CILK1: variants seen among roughly 807,000 people sequenced by gnomAD.
CILK1 encodes serine/threonine-protein kinase ICK.
Under a neutral mutation model 79.2 loss-of-function variants are expected in CILK1, and 47 were observed. The ratio of observed to expected loss-of-function variants is 0.59; its 90% CI spans 0.47 to 0.76. The LOEUF (loss-of-function observed/expected upper bound fraction) is 0.76, where lower values mean the gene tolerates loss of function less well. Ranked by LOEUF, CILK1 falls within the 30% of genes least tolerant of loss-of-function variation. The probability of loss-of-function intolerance (pLI) is 0.00; values close to 1 mark genes in which losing one functional copy is unlikely to be tolerated. For missense variants in CILK1, 660 were observed against 769.5 expected, an observed-to-expected ratio of 0.86 and a Z score of 1.68; for synonymous variants, 266 against 275.9, an observed-to-expected ratio of 0.96 and a Z score of 0.36.
chr6:53,051,510 G>A (rs749931692), intron 1 of CILK1, among the ~76,000 whole-genome samples: 5 of 152,096 alleles, frequency 3.3e-5, no homozygotes, highest in Non-Finnish European at 7.4e-5. Context: ...GCACTCCTTG[G>A]CTTGTGACCA....
chr6:53,031,031 G>T, intron 5 of CILK1, 34 bp downstream of exon 5: 1 of 1,380,832 alleles, frequency 7.2e-7, no homozygotes, highest in Non-Finnish European at 1.0e-6. Flanking sequence ...ACATTTCACT[G>T]CTCTTCAAAA....
chr6:53,060,683 T>A lies in CILK1; in HGVS notation c.-173+913A>T, dbSNP rs1347137224. Among the ~76,000 whole-genome samples the A allele has an allele frequency of 2.0e-5, 3 of 152,342 alleles. No individual in the cohort carries two copies. In the East Asian group the frequency reaches 5.8e-4, roughly 29 times the overall value. ...TGTGCATATTTATGCATATATTAAC[T>A]CCCAGCACAGTTCAGCAAATGATTG... On this transcript the variant is annotated intron_variant, in intron 1 of 13. Coordinates refer to ENST00000676107, the MANE Select transcript of CILK1 (RefSeq NM_014920.5).
At chr6:53,056,200 CTAT>C (rs1307556535) in intron 1 of CILK1, among the ~76,000 whole-genome samples, 1 of 152,170 alleles carries the variant, frequency 6.6e-6, no homozygotes, top group Non-Finnish European at 1.5e-5. Flanking sequence ...TATTTATATG[CTAT>C]TACAACACAT....
At chr6:53,039,799 G>GA (rs1487505343) in intron 2 of CILK1, among the ~76,000 whole-genome samples, 1 of 152,180 alleles carries the variant, frequency 6.6e-6, no homozygotes, top group Non-Finnish European at 1.5e-5. Flanking sequence ...TGAATAGGGG[G>GA]AAAAAAGCCA....
Position 53,037,380 on chromosome 6 carries a change from T to C in CILK1, c.156+559A>G, listed in dbSNP as rs1364533175. ...GATCGGTGCTCCACAATGCTTGACA[T>C]GGCACAAAAGAAGGACCTCAGCAAG... is the stretch of plus-strand genomic sequence containing the variant. On this transcript the variant is annotated intron_variant, in intron 3 of 13. Transcript: ENST00000676107. Among the ~76,000 whole-genome samples, 5 of 78,224 alleles carry C rather than the reference T, an allele frequency of 6.4e-5. No individual in the cohort carries two copies. The East Asian group carries it at 3.1e-3, about 48-fold the overall frequency. The allele number at this position is 78,224 out of a possible 152,430, so 51.3% of individuals were successfully genotyped here. A position where few individuals can be genotyped will look rare whatever the true frequency, so the allele number is the denominator to read the frequency against.
At chr6:53,047,485 T>A (rs1193832458) in intron 1 of CILK1, among the ~76,000 whole-genome samples, 4 of 145,088 alleles carry the variant, frequency 2.8e-5, no homozygotes, top group Admixed American at 1.4e-4. Context: ...TTTTTTTTTT[T>A]AAGAGATGAG....
chr6:53,031,014 G>A (rs901367636), intron 5 of CILK1, 51 bp downstream of exon 5: 1 of 1,258,924 alleles, frequency 7.9e-7, no homozygotes, highest in African/African-American at 1.5e-5. Context: ...ACTTCTACTT[G>A]ATAACAACAT....
chr6:53,049,573 T>G (rs978811835), intron 1 of CILK1, among the ~76,000 whole-genome samples: 11 of 152,208 alleles, frequency 7.2e-5, no homozygotes, highest in Non-Finnish European at 1.6e-4. Context: ...GCCTGTAACA[T>G]GGCAGGTGGG....
At chr6:53,032,740 G>A in intron 3 of CILK1, 86 bp from the exon 4 acceptor site, 1 of 1,105,306 alleles carries the variant, frequency 9.0e-7, no homozygotes, top group African/African-American at 1.6e-5. Context: ...ATGTATACTT[G>A]GAAAGAAACA....
At position 53,005,067 on chromosome 6, in the gene CILK1, C is replaced by T. The variant is rs1764137704; in HGVS notation, c.*82G>A. On this transcript the variant is annotated 3_prime_UTR_variant, in exon 14 of 14. Coordinates refer to ENST00000676107, the MANE Select transcript of CILK1 (RefSeq NM_014920.5). ...TTGATTTGCTTTTATGCCCTCTGCA[C>T]ATCTTGCAGGTAGAACACCAGTCAG... 4.7e-6 allele frequency: 7 copies of T among 1,486,188 alleles called. No homozygotes were observed. The Admixed American group carries it at 1.0e-4, about 21-fold the overall frequency. The allele number at this position is 1,486,188 out of a possible 1,614,324, so 92.1% of individuals were successfully genotyped here.
At chr6:53,019,587 T>G (rs1286123180) in intron 5 of CILK1, among the ~76,000 whole-genome samples, 1 of 152,258 alleles carries the variant, frequency 6.6e-6, no homozygotes, top group East Asian at 1.9e-4. Context: ...TTCATAATTT[T>G]TTTTAACTAG....
chr6:53,045,891 G>A (rs578163349), intron 1 of CILK1, among the ~76,000 whole-genome samples: 215 of 150,052 alleles, frequency 1.4e-3, no homozygotes, highest in African/African-American at 4.9e-3. Flanking sequence ...TTTTAAAGAA[G>A]GCTTTGCCCT....
chr6:53,042,732 A>C (rs1766798613), intron 1 of CILK1, among the ~76,000 whole-genome samples: 1 of 152,250 alleles, frequency 6.6e-6, no homozygotes, highest in South Asian at 2.1e-4. Context: ...ACAAGGACAG[A>C]CTAAGGAACT....
At chr6:53,023,878 A>G (rs1391110084) in intron 5 of CILK1, among the ~76,000 whole-genome samples, 1 of 152,224 alleles carries the variant, frequency 6.6e-6, no homozygotes, top group Non-Finnish European at 1.5e-5. Flanking sequence ...AGATGGACAA[A>G]GTGAATGTAA....
chr6:53,053,274 C>T (rs1319839667), intron 1 of CILK1, among the ~76,000 whole-genome samples: 1 of 152,120 alleles, frequency 6.6e-6, no homozygotes, highest in Non-Finnish European at 1.5e-5. Context: ...TGTCCATTAC[C>T]TTGAGAATTA....
chr6:53,006,494 C>T, intron 12 of CILK1, 57 bp from the exon 13 acceptor site: 1 of 1,598,898 alleles, frequency 6.3e-7, no homozygotes, highest in South Asian at 1.1e-5. Context: ...AGGACACCAA[C>T]AAGGTTAAAT....
At chr6:53,034,476 C>T (rs1433523074) in intron 3 of CILK1, among the ~76,000 whole-genome samples, 1 of 152,166 alleles carries the variant, frequency 6.6e-6, no homozygotes, top group Non-Finnish European at 1.5e-5. Context: ...GAGATAGAGG[C>T]AGGTCAGTTG....
At chr6:53,024,148 T>C (rs1270150858) in intron 5 of CILK1, among the ~76,000 whole-genome samples, 1 of 152,244 alleles carries the variant, frequency 6.6e-6, no homozygotes, top group Non-Finnish European at 1.5e-5. Context: ...TATGAATATA[T>C]ATTCCACTGC....
At chr6:53,044,290 A>G (rs534257607) in intron 1 of CILK1, among the ~76,000 whole-genome samples, 1 of 152,064 alleles carries the variant, frequency 6.6e-6, no homozygotes, top group Non-Finnish European at 1.5e-5. Flanking sequence ...AGAAGCACGA[A>G]CCCTACTGTG....
Sources: allele counts gnomAD v4.1 joint callset (sites outside exome capture counted in the v4.1 genomes callset), GRCh38; gene constraint gnomAD v4.1.1; transcripts MANE v1.5; gene names NCBI Gene and HGNC (gene_info 2026-07-23, HGNC 2026-07-21).